ZFAND3: variants seen among roughly 807,000 people sequenced by gnomAD.
ZFAND3 encodes AN1-type zinc finger protein 3.
ZFAND3 carries 10 observed loss-of-function variants against 29.6 expected under a neutral mutation model. The ratio of observed to expected loss-of-function variants is 0.34; its 90% CI spans 0.21 to 0.57. The LOEUF (loss-of-function observed/expected upper bound fraction) is 0.57. Ranked by LOEUF, ZFAND3 falls within the 20% of genes least tolerant of loss-of-function variation. ZFAND3 has a pLI of 0.86. For synonymous variants in ZFAND3, 128 were observed against 112.6 expected (o/e 1.14, Z -0.87); for missense variants, 230 against 304.5 (o/e 0.76, Z 1.82).
At chr6:37,966,573 TCTCA>T (rs1223767986) in intron 2 of ZFAND3, among the ~76,000 whole-genome samples, 1 of 151,980 alleles carries the variant, frequency 6.6e-6, no homozygotes, top group African/African-American at 2.4e-5. Flanking sequence ...TTCTGGATTT[TCTCA>T]TAAGTGGATT....
intron 1 of ZFAND3, among the ~76,000 whole-genome samples, chr6:37,839,115 A>T (rs969289927): frequency 6.6e-6 from 1 of 152,126 alleles, no homozygotes; most frequent in African/African-American, 2.4e-5. Context: ...CTTTGGAACA[A>T]TGTCTGTTTA....
chr6:37,835,484 A>C (rs1205181083), intron 1 of ZFAND3, among the ~76,000 whole-genome samples: 37 of 131,648 alleles, frequency 2.8e-4, no homozygotes, highest in Non-Finnish European at 5.6e-4. Context: ...TTTTTTTTTT[A>C]AATGTATTCT....
intron 1 of ZFAND3, among the ~76,000 whole-genome samples, chr6:37,846,115 T>C (rs999778896): frequency 6.6e-6 from 1 of 152,234 alleles, no homozygotes; most frequent in Non-Finnish European, 1.5e-5. Flanking sequence ...GTTCCTGTTA[T>C]AGCCCTGATT....
At chr6:38,128,114 G>A (rs975381707) in intron 5 of ZFAND3, among the ~76,000 whole-genome samples, 2 of 152,122 alleles carry the variant, frequency 1.3e-5, no homozygotes, top group East Asian at 1.9e-4. Flanking sequence ...GCAAACACAC[G>A]CACACGCATA....
intron 2 of ZFAND3, among the ~76,000 whole-genome samples, chr6:37,956,251 C>T (rs897788881): frequency 6.6e-6 from 1 of 152,176 alleles, no homozygotes; most frequent in Non-Finnish European, 1.5e-5. Context: ...GCTGTTAAAA[C>T]TCACATTGCT....
chr6:38,110,185 T>C (rs1052717302), intron 4 of ZFAND3, among the ~76,000 whole-genome samples: 14 of 152,340 alleles, frequency 9.2e-5, no homozygotes, highest in African/African-American at 2.9e-4. Context: ...AATCAGCCTC[T>C]TGAACCTTGT....
At chr6:38,063,915 T>A (rs188872733) in intron 3 of ZFAND3, among the ~76,000 whole-genome samples, 1 of 152,060 alleles carries the variant, frequency 6.6e-6, no homozygotes, top group African/African-American at 2.4e-5. Flanking sequence ...TTATAACTTA[T>A]TGAATAGAGG....
Position 38,153,998 on chromosome 6 carries a change from G to C in ZFAND3, c.*1609G>C, listed in dbSNP as rs1267105993. The C allele has an allele frequency of 1.0e-6, 1 of 985,488 alleles. No homozygotes were observed. Among genetic ancestry groups the C allele is most frequent in the African/African-American group, 1.7e-5 (1 of 57,370 alleles). The allele number at this position is 985,488 out of a possible 1,614,324, so 61.0% of individuals were successfully genotyped here. A position where few individuals can be genotyped will look rare whatever the true frequency, so the allele number is the denominator to read the frequency against. Reference sequence around the variant, plus strand: ...TTTTTTGATCCGACGTACTGAAATAGGAAGTCATGCTCTTCCCACCCTCCA... The same window carrying C: ...TTTTTTGATCCGACGTACTGAAATACGAAGTCATGCTCTTCCCACCCTCCA... On this transcript the variant is annotated 3_prime_UTR_variant, in exon 6 of 6. Coordinates refer to ENST00000287218, the MANE Select transcript of ZFAND3 (RefSeq NM_021943.3).
At chr6:37,892,311 G>T (rs758139263) in intron 1 of ZFAND3, among the ~76,000 whole-genome samples, 3 of 152,230 alleles carry the variant, frequency 2.0e-5, no homozygotes, top group Non-Finnish European at 2.9e-5. Context: ...TATAGGATGA[G>T]CAGGGTGTGG....
intron 4 of ZFAND3, among the ~76,000 whole-genome samples, chr6:38,103,855 C>T (rs1765157148): frequency 6.6e-6 from 1 of 152,168 alleles, no homozygotes; most frequent in Non-Finnish European, 1.5e-5. Flanking sequence ...TTATTCGGTA[C>T]TCCACTGATG....
intron 1 of ZFAND3, among the ~76,000 whole-genome samples, chr6:37,847,284 C>G (rs1764198865): frequency 6.6e-6 from 1 of 151,984 alleles, no homozygotes; most frequent in Non-Finnish European, 1.5e-5. Context: ...CCCCAAAAAC[C>G]TCATCAATCG....
At chr6:38,121,836 C>T (rs1765540536) in intron 5 of ZFAND3, among the ~76,000 whole-genome samples, 1 of 152,150 alleles carries the variant, frequency 6.6e-6, no homozygotes, top group Non-Finnish European at 1.5e-5. Flanking sequence ...TACTATTTTT[C>T]CCCTTGCACC....
chr6:38,051,091 G>C (rs1346325419), intron 2 of ZFAND3, among the ~76,000 whole-genome samples: 1 of 152,066 alleles, frequency 6.6e-6, no homozygotes, highest in African/African-American at 2.4e-5. Context: ...AAGCAAGAAC[G>C]AATAGGACCA....
intron 2 of ZFAND3, among the ~76,000 whole-genome samples, chr6:37,962,215 G>A (rs969333512): frequency 6.6e-6 from 1 of 152,186 alleles, no homozygotes; most frequent in Non-Finnish European, 1.5e-5. Flanking sequence ...TTGGTGTACT[G>A]AAGAATGCAT....
At chr6:37,956,710 A>G (rs766755474) in intron 2 of ZFAND3, among the ~76,000 whole-genome samples, 3 of 152,188 alleles carry the variant, frequency 2.0e-5, no homozygotes, top group Non-Finnish European at 2.9e-5. Flanking sequence ...AAAATGTGCA[A>G]GTGCTCATAG....
At position 38,061,529 on chromosome 6, in the gene ZFAND3, A is replaced by G. The variant is rs540374440; in HGVS notation, c.113-64A>G. The G allele has an allele frequency of 2.5e-4, 392 of 1,580,780 alleles. 3 individuals are homozygous for G. In the South Asian group the frequency reaches 4.3e-3, roughly 17 times the overall value. On this transcript the variant is annotated intron_variant, in intron 2 of 5. Transcript: ENST00000287218. ...GCATTTAATTTTTGTACCAACTTCC[A>G]TTGTTTTCTAATCCTCAGAGACTGT...
intron 1 of ZFAND3, among the ~76,000 whole-genome samples, chr6:37,928,041 A>G (rs936410370): frequency 6.6e-6 from 1 of 152,140 alleles, no homozygotes; most frequent in African/African-American, 2.4e-5. Flanking sequence ...ACATCTCTTT[A>G]TCTTTTTACT....
At chr6:37,836,380 A>G (rs1241287615) in intron 1 of ZFAND3, among the ~76,000 whole-genome samples, 5 of 152,182 alleles carry the variant, frequency 3.3e-5, no homozygotes, top group Non-Finnish European at 2.9e-5. Flanking sequence ...GTAGAAAAAG[A>G]TGAGTTTGGA....
intron 2 of ZFAND3, among the ~76,000 whole-genome samples, chr6:37,931,060 A>T (rs776092445): frequency 6.6e-6 from 1 of 152,196 alleles, no homozygotes; most frequent in Non-Finnish European, 1.5e-5. Flanking sequence ...TATGGTGATT[A>T]GGCCAGCTGT....
Sources: allele counts gnomAD v4.1 joint callset (sites outside exome capture counted in the v4.1 genomes callset), GRCh38; gene constraint gnomAD v4.1.1; transcripts MANE v1.5; gene names NCBI Gene and HGNC (gene_info 2026-07-23, HGNC 2026-07-21).